Variants in KCNN2 observed in about 807,000 individuals in gnomAD.
KCNN2 encodes potassium calcium-activated channel subfamily N member 2.
A neutral mutation model predicts 55.5 loss-of-function variants in KCNN2; 24 were observed. That is an observed-to-expected ratio of 0.43 (90% CI 0.31 to 0.61). KCNN2 has a LOEUF of 0.61. KCNN2 is among the 20% of genes least tolerant of loss of function. KCNN2 has a pLI of 0.08. For missense variants in KCNN2, 754 were observed against 853.6 expected (o/e 0.88, Z 1.45); for synonymous variants, 431 against 336.1 (o/e 1.28, Z -3.09).
chr5:114,404,890 A>G (rs1162712365), intron 3 of KCNN2, 34 bp downstream of exon 3: 1 of 1,559,548 alleles, frequency 6.4e-7, no homozygotes, highest in Non-Finnish European at 8.7e-7. Context: ...AACATAATTT[A>G]CCATGTGGTA....
intron 1 of KCNN2, among the ~76,000 whole-genome samples, chr5:114,204,492 C>T (rs1341989559): frequency 6.6e-6 from 1 of 152,208 alleles, no homozygotes; most frequent in Non-Finnish European, 1.5e-5. Context: ...ACCTTTTTAG[C>T]TCACAGTGCT....
At chr5:114,189,133 A>AGT (rs34640722) in intron 1 of KCNN2, among the ~76,000 whole-genome samples, 30,514 of 149,834 alleles carry the variant, frequency 0.2, 3,354 homozygotes, top group African/African-American at 0.29. Context: ...TAGAACCAAT[A>AGT]GTGTGTGTGT....
At chr5:114,282,510 C>T (rs1755644136) in intron 2 of KCNN2, among the ~76,000 whole-genome samples, 1 of 151,898 alleles carries the variant, frequency 6.6e-6, no homozygotes. Context: ...TTATTTATAA[C>T]AATTTTTTAC....
intron 1 of KCNN2, among the ~76,000 whole-genome samples, chr5:114,071,657 G>A (rs1316329207): frequency 1.3e-5 from 2 of 152,142 alleles, no homozygotes; most frequent in African/African-American, 4.8e-5. Context: ...TAGGAAAAAA[G>A]TGAATGAATG....
At chr5:114,214,943 A>G (rs1753971652) in intron 1 of KCNN2, among the ~76,000 whole-genome samples, 1 of 152,146 alleles carries the variant, frequency 6.6e-6, no homozygotes, top group African/African-American at 2.4e-5. Context: ...AACAGGTAGT[A>G]TCATTGGTTC....
chr5:114,121,411 G>A (rs1463856958), intron 1 of KCNN2, among the ~76,000 whole-genome samples: 1 of 152,144 alleles, frequency 6.6e-6, no homozygotes, highest in African/African-American at 2.4e-5. Flanking sequence ...CACAGGATGA[G>A]CTCAGGGCCC....
chr5:114,269,944 C>T (rs774997682), intron 2 of KCNN2, among the ~76,000 whole-genome samples: 65 of 152,208 alleles, frequency 4.3e-4, no homozygotes, highest in Middle Eastern at 3.4e-3. Context: ...CATTTGCAAA[C>T]GTTATTGTCC....
chr5:114,493,446 G>A lies in KCNN2; in HGVS notation c.2062G>A (p.Ala688Thr). 1.2e-6 allele frequency: 2 copies of A among 1,611,108 alleles called. No individual in the cohort carries two copies. Among genetic ancestry groups the A allele is most frequent in the Non-Finnish European group, 1.7e-6 (2 of 1,177,366 alleles). ...KMEQRKLNDQ[A>T]NTLVDLAKTQ... ...GGAGCAGAGGAAACTGAATGACCAA[G>A]CAAACACTTTGGTGGACTTGGCAAA... Residue 688 changes from alanine to threonine, a missense_variant, in exon 7 of 8, where the codon GCA becomes ACA. This residue lies in a region of KCNN2 where 164 missense variants were observed against 156.6 expected (regional missense o/e 1.05). Coordinates refer to ENST00000673685, the MANE Select transcript of KCNN2 (RefSeq NM_021614.4).
intron 1 of KCNN2, among the ~76,000 whole-genome samples, chr5:114,175,144 G>T (rs1753109969): frequency 1.3e-5 from 2 of 152,178 alleles, no homozygotes; most frequent in African/African-American, 2.4e-5. Flanking sequence ...TTTCTAAAAA[G>T]ATTAGAATGA....
intron 5 of KCNN2, among the ~76,000 whole-genome samples, chr5:114,474,339 G>A (rs1158064314): frequency 2.6e-5 from 4 of 152,092 alleles, no homozygotes; most frequent in Non-Finnish European, 4.4e-5. Flanking sequence ...ATACTTCATT[G>A]CAGTTAGTAG....
intron 1 of KCNN2, among the ~76,000 whole-genome samples, chr5:114,105,804 T>C (rs1424500502): frequency 1.3e-5 from 2 of 152,042 alleles, no homozygotes; most frequent in African/African-American, 4.8e-5. Context: ...TCTTCAGCCA[T>C]TTTTGTTTGG....
At chr5:114,480,762 A>ATAGATGCAG (rs1762188791) in intron 5 of KCNN2, among the ~76,000 whole-genome samples, 1 of 152,222 alleles carries the variant, frequency 6.6e-6, no homozygotes. Context: ...CTAAGGACAA[A>ATAGATGCAG]AACCACACAG....
At chr5:114,138,818 A>C (rs1752219799) in intron 1 of KCNN2, among the ~76,000 whole-genome samples, 1 of 152,174 alleles carries the variant, frequency 6.6e-6, no homozygotes, top group Non-Finnish European at 1.5e-5. Flanking sequence ...GCTAAAGACA[A>C]GGCAGAATGA....
At chr5:114,439,220 A>G (rs1387000571) in intron 3 of KCNN2, among the ~76,000 whole-genome samples, 1 of 152,246 alleles carries the variant, frequency 6.6e-6, no homozygotes, top group Non-Finnish European at 1.5e-5. Context: ...CAGAAATGCA[A>G]GTAATAAGCT....
At chr5:114,281,337 G>A (rs1018234094) in intron 2 of KCNN2, among the ~76,000 whole-genome samples, 3 of 152,054 alleles carry the variant, frequency 2.0e-5, no homozygotes. Context: ...TAAATAAATG[G>A]CTATAGTACT....
intron 2 of KCNN2, among the ~76,000 whole-genome samples, chr5:114,384,127 A>G (rs893690653): frequency 1.1e-4 from 17 of 152,144 alleles, no homozygotes; most frequent in Admixed American, 1.0e-3. Context: ...TTTATCTGGA[A>G]TGTATGAGAA....
intron 2 of KCNN2, among the ~76,000 whole-genome samples, chr5:114,335,213 T>A (rs1174869830): frequency 1.3e-5 from 2 of 152,100 alleles, no homozygotes; most frequent in Non-Finnish European, 1.5e-5. Context: ...ACATTGCATA[T>A]TTTTTAGGCC....
intron 3 of KCNN2, among the ~76,000 whole-genome samples, chr5:114,409,714 C>T (rs1759066252): frequency 6.6e-6 from 1 of 151,626 alleles, no homozygotes; most frequent in Non-Finnish European, 1.5e-5. Context: ...TCCTGTCCTT[C>T]TAGGAGCACA....
At chr5:114,089,423 C>G in intron 1 of KCNN2, among the ~76,000 whole-genome samples, 1 of 152,232 alleles carries the variant, frequency 6.6e-6, no homozygotes, top group East Asian at 1.9e-4. Flanking sequence ...TGTCTCCCAA[C>G]GCAGTGGGAG....
Sources: gnomAD v4.1 joint callset for allele counts (sites outside exome capture counted in the v4.1 genomes callset) on GRCh38, gnomAD v4.1.1 for gene constraint, gnomAD v4.1.1 regional missense constraint, MANE v1.5 for transcripts, NCBI Gene and HGNC (gene_info 2026-07-23, HGNC 2026-07-21) for gene names.